PPFIA2: variants seen among roughly 807,000 people sequenced by gnomAD.
The protein encoded by PPFIA2 is PPFI scaffold protein A2.
In PPFIA2, 46 loss-of-function variants were observed where a neutral mutation model predicts 175.5. That is an observed-to-expected ratio of 0.26 (90% CI 0.21 to 0.34). The LOEUF (loss-of-function observed/expected upper bound fraction) is 0.34, where lower values mean the gene tolerates loss of function less well. Among genes scored for constraint, PPFIA2 ranks in the 10% least tolerant of loss-of-function variants. The pLI, the probability that PPFIA2 is intolerant of heterozygous loss-of-function variation, is 1.00. For synonymous variants in PPFIA2, 568 were observed against 511.4 expected (o/e 1.11, Z -1.49); for missense variants, 1,179 against 1,506.1 (o/e 0.78, Z 3.60).
chr12:81,328,998 CTTGCTATG>C (rs1170968062), intron 21 of PPFIA2, among the ~76,000 whole-genome samples: 2 of 151,772 alleles, frequency 1.3e-5, no homozygotes, highest in Non-Finnish European at 2.9e-5. Context: ...GAGATGAGGT[CTTGCTATG>C]TTGCTTAGGC....
At chr12:81,640,416 C>T (rs555785200) in intron 4 of PPFIA2, among the ~76,000 whole-genome samples, 82 of 152,276 alleles carry the variant, frequency 5.4e-4, no homozygotes, top group African/African-American at 1.9e-3. Context: ...TCCTACGTAT[C>T]TAATCACACT....
rs187568378 is a variant in PPFIA2 at position 81,307,814 on chromosome 12, A to G, written c.2643-8432T>C. On this transcript the variant is annotated intron_variant, in intron 22 of 32. Coordinates refer to ENST00000549396, the MANE Select transcript of PPFIA2 (RefSeq NM_003625.5). ...CTGTCTCCCTGGCTTTTTCTGCTCA[A>G]CTAACACAAATATTTGCTATTACCC... Among the ~76,000 whole-genome samples, 13 of 152,286 alleles carry G rather than the reference A, an allele frequency of 8.5e-5. No individual in the cohort carries two copies. In the East Asian group the frequency reaches 1.3e-3, roughly 16 times the overall value.
At chr12:81,433,037 A>T in intron 7 of PPFIA2, among the ~76,000 whole-genome samples, 1 of 150,410 alleles carries the variant, frequency 6.6e-6, no homozygotes, top group Admixed American at 6.6e-5. Flanking sequence ...AAAAAAAAAC[A>T]GAAAAAAACC....
At chr12:81,467,836 G>A (rs565891931) in intron 4 of PPFIA2, among the ~76,000 whole-genome samples, 29 of 152,136 alleles carry the variant, frequency 1.9e-4, no homozygotes, top group Non-Finnish European at 3.7e-4. Flanking sequence ...CCAGAATCCA[G>A]GGTTAAAGCC....
intron 21 of PPFIA2, among the ~76,000 whole-genome samples, chr12:81,332,430 A>G (rs1199490999): frequency 6.6e-6 from 1 of 152,080 alleles, no homozygotes; most frequent in Non-Finnish European, 1.5e-5. Context: ...TTGAAACTCT[A>G]CCTTTACACC....
intron 4 of PPFIA2, among the ~76,000 whole-genome samples, chr12:81,600,830 A>G (rs530510571): frequency 6.6e-6 from 1 of 152,134 alleles, no homozygotes; most frequent in Non-Finnish European, 1.5e-5. Context: ...TTAAGAAAAA[A>G]GAATGTTTGT....
intron 4 of PPFIA2, among the ~76,000 whole-genome samples, chr12:81,648,631 T>C (rs2066539320): frequency 6.6e-6 from 1 of 151,972 alleles, no homozygotes; most frequent in Non-Finnish European, 1.5e-5. Flanking sequence ...TCTTTTTTTG[T>C]TTATGTAGAA....
At chr12:81,495,173 C>A (rs2059900043) in intron 4 of PPFIA2, among the ~76,000 whole-genome samples, 1 of 152,010 alleles carries the variant, frequency 6.6e-6, no homozygotes, top group South Asian at 2.1e-4. Context: ...CATCCCCTAA[C>A]AGAAATTTAG....
At chr12:81,466,238 C>T (rs996612811) in intron 4 of PPFIA2, among the ~76,000 whole-genome samples, 3 of 152,190 alleles carry the variant, frequency 2.0e-5, no homozygotes, top group East Asian at 3.9e-4. Context: ...TTTTATGTAT[C>T]TATATTCTAA....
intron 18 of PPFIA2, among the ~76,000 whole-genome samples, chr12:81,346,680 CTA>C (rs1186547221): frequency 6.6e-6 from 1 of 151,334 alleles, no homozygotes; most frequent in Non-Finnish European, 1.5e-5. Flanking sequence ...AATATAAAAT[CTA>C]AAACAAAATT....
chr12:81,460,608 C>T (rs7968917), intron 4 of PPFIA2, among the ~76,000 whole-genome samples: 22,827 of 151,968 alleles, frequency 0.15, 2,489 homozygotes, highest in East Asian at 0.41. Flanking sequence ...AGATATCTCA[C>T]ATGGAGTTAA....
intron 7 of PPFIA2, among the ~76,000 whole-genome samples, chr12:81,412,335 CAA>C (rs35342063): frequency 0.28 from 27,172 of 96,076 alleles, 2,260 homozygotes; most frequent in East Asian, 0.37. Context: ...GTTAAGGAGG[CAA>C]AAAAAAAAAA....
At chr12:81,528,882 C>T (rs2064089116) in intron 4 of PPFIA2, among the ~76,000 whole-genome samples, 1 of 151,744 alleles carries the variant, frequency 6.6e-6, no homozygotes, top group South Asian at 2.1e-4. Context: ...GAGCACTCTA[C>T]AATTATATAG....
chr12:81,737,206 T>G (rs2081703132), intron 3 of PPFIA2, among the ~76,000 whole-genome samples: 1 of 151,806 alleles, frequency 6.6e-6, no homozygotes, highest in South Asian at 2.1e-4. Context: ...TCCCTAGTTG[T>G]GGAAAAAGGA....
chr12:81,310,322 C>A (rs2050448942), intron 22 of PPFIA2, among the ~76,000 whole-genome samples: 1 of 152,076 alleles, frequency 6.6e-6, no homozygotes, highest in Non-Finnish European at 1.5e-5. Flanking sequence ...GTTGTACTAT[C>A]TTCCCTGATA....
chr12:81,637,426 T>C (rs546178307), intron 4 of PPFIA2, among the ~76,000 whole-genome samples: 13 of 151,838 alleles, frequency 8.6e-5, no homozygotes, highest in Non-Finnish European at 1.5e-4. Flanking sequence ...TTTTCTAGAT[T>C]GGTCTTCCTT....
chr12:81,657,170 A>G (rs1038871489), intron 4 of PPFIA2, among the ~76,000 whole-genome samples: 1 of 152,204 alleles, frequency 6.6e-6, no homozygotes, highest in Non-Finnish European at 1.5e-5. Context: ...GCTCCTTAAC[A>G]CAGAGACATA....
Position 81,472,321 on chromosome 12 carries a change from G to T in PPFIA2, c.304-14455C>A, listed in dbSNP as rs185414156. The stretch of plus-strand genomic sequence containing the variant: ...TTTTGCGAATATACTAAATGCCAAT[G>T]AATTGCATTTTTAATGGCTGAATAA... On this transcript the variant is annotated intron_variant, in intron 4 of 32. Coordinates refer to ENST00000549396, the MANE Select transcript of PPFIA2 (RefSeq NM_003625.5). 4.6e-3 allele frequency among the ~76,000 whole-genome samples: 707 copies of T among 152,250 alleles called. 5 individuals carry two copies. The highest frequency in any genetic ancestry group is 5.8e-3 in the Non-Finnish European group (395 of 68,004).
In PPFIA2 at chr12:81,642,629, A is replaced by G. The variant is rs368966536; in HGVS notation, c.303+34162T>C. Among the ~76,000 whole-genome samples, 96 of 19,142 alleles carry G rather than the reference A, an allele frequency of 5.0e-3. 3 individuals carry two copies. The highest frequency in any genetic ancestry group is 0.011 in the African/African-American group (68 of 6,332). The allele number at this position is 19,142 out of a possible 152,430, so 12.6% of individuals were successfully genotyped here. ...TATACACACACATAATAGATACTAT[A>G]TATCTATTATATACATACATGTATG... On this transcript the variant is annotated intron_variant, in intron 4 of 32. Transcript: ENST00000549396.
Sources: gnomAD v4.1 joint callset for allele counts (sites outside exome capture counted in the v4.1 genomes callset) on GRCh38, gnomAD v4.1.1 for gene constraint, MANE v1.5 for transcripts, NCBI Gene and HGNC (gene_info 2026-07-23, HGNC 2026-07-21) for gene names.